The following KAZN variants were observed in gnomAD, a reference collection of about 807,000 sequenced individuals.
The protein encoded by KAZN is kazrin.
Under a neutral mutation model 87.4 loss-of-function variants are expected in KAZN, and 40 were observed. The ratio of observed to expected loss-of-function variants is 0.46; its 90% CI spans 0.36 to 0.60. The LOEUF is 0.60. Among genes scored for constraint, KAZN ranks in the 20% least tolerant of loss-of-function variants. The pLI, the probability that KAZN is intolerant of heterozygous loss-of-function variation, is 0.00. For synonymous variants in KAZN, 466 were observed against 458.3 expected (o/e 1.02, Z -0.22); for missense variants, 898 against 1,073.9 (o/e 0.84, Z 2.29).
intron 2 of KAZN, among the ~76,000 whole-genome samples, chr1:14,320,395 T>C (rs989861902): frequency 1.3e-5 from 2 of 152,152 alleles, no homozygotes; most frequent in African/African-American, 2.4e-5. Context: ...ACAAACAGAT[T>C]TGAGAATCAC....
At chr1:15,013,764 A>AG (rs1211151677) in intron 2 of KAZN, among the ~76,000 whole-genome samples, 1 of 151,072 alleles carries the variant, frequency 6.6e-6, no homozygotes, top group Admixed American at 6.6e-5. Context: ...AAAAAAAAAA[A>AG]AAGAGAGAGA....
intron 1 of KAZN, among the ~76,000 whole-genome samples, chr1:14,806,745 G>A (rs748261349): frequency 5.3e-5 from 8 of 152,210 alleles, no homozygotes; most frequent in Non-Finnish European, 8.8e-5. Context: ...TCAGGGAGTA[G>A]CTTGAGAGGG....
At chr1:14,436,722 A>AC (rs1351434546) in intron 2 of KAZN, among the ~76,000 whole-genome samples, 2 of 72,950 alleles carry the variant, frequency 2.7e-5, no homozygotes, top group African/African-American at 1.2e-4. Context: ...TGTCTCAAAA[A>AC]AAAAAAAAAA....
intron 2 of KAZN, among the ~76,000 whole-genome samples, chr1:14,473,910 C>T (rs1161586590): frequency 1.3e-5 from 2 of 152,222 alleles, no homozygotes; most frequent in Non-Finnish European, 2.9e-5. Flanking sequence ...GCTGGCACCT[C>T]TGAAAGGCTT....
intron 2 of KAZN, among the ~76,000 whole-genome samples, chr1:14,962,205 G>A (rs1286277764): frequency 6.6e-6 from 1 of 152,354 alleles, no homozygotes; most frequent in East Asian, 1.9e-4. Context: ...CCCCCAGAAA[G>A]CCTGGGAAGT....
At chr1:14,824,581 C>G (rs1333405266) in intron 1 of KAZN, among the ~76,000 whole-genome samples, 1 of 152,180 alleles carries the variant, frequency 6.6e-6, no homozygotes, top group South Asian at 2.1e-4. Flanking sequence ...GTCCTTGCTG[C>G]TCAGAGATTT....
chr1:15,068,588 C>T (rs1401356875), intron 8 of KAZN, among the ~76,000 whole-genome samples: 2 of 152,002 alleles, frequency 1.3e-5, no homozygotes, highest in African/African-American at 4.8e-5. Context: ...CCTGGAGGAC[C>T]GAGAGGAGCT....
chr1:14,727,899 A>G (rs940296951), intron 1 of KAZN, among the ~76,000 whole-genome samples: 1 of 152,142 alleles, frequency 6.6e-6, no homozygotes, highest in Non-Finnish European at 1.5e-5. Context: ...GATGGGAGAT[A>G]GCAACAGATC....
chr1:14,883,318 AAG>A lies in KAZN; in HGVS notation c.227-77342_227-77341del, dbSNP rs1219653139. ...CTCAAAAGAAAGAAAGAAAGAAAGAAAGAGAGAGAGAGAGAGAGAGAGAGAAA... is the reference window on the plus strand; with the variant it reads ...CTCAAAAGAAAGAAAGAAAGAAAGAAAGAGAGAGAGAGAGAGAGAGAGAAA... On this transcript the variant is annotated intron_variant, in intron 1 of 14. Coordinates refer to ENST00000376030, the MANE Select transcript of KAZN (RefSeq NM_201628.3). 1.4e-3 allele frequency among the ~76,000 whole-genome samples: 55 copies of A among 38,590 alleles called. 6 individuals carry two copies. Among genetic ancestry groups the A allele is most frequent in the African/African-American group, 2.8e-3 (37 of 13,050 alleles). The allele number at this position is 38,590 out of a possible 152,430, so 25.3% of individuals were successfully genotyped here.
At chr1:13,932,780 G>A (rs1384143015) in intron 1 of KAZN, among the ~76,000 whole-genome samples, 2 of 152,274 alleles carry the variant, frequency 1.3e-5, no homozygotes, top group East Asian at 1.9e-4. Context: ...AATGTTTGAC[G>A]CTGGAATGAT....
intron 2 of KAZN, among the ~76,000 whole-genome samples, chr1:14,435,485 C>T (rs1397975600): frequency 6.6e-6 from 1 of 152,220 alleles, no homozygotes; most frequent in African/African-American, 2.4e-5. Context: ...ATGACCCGCG[C>T]CACCTGGCCA....
chr1:14,065,614 A>G (rs1166595177), intron 1 of KAZN, among the ~76,000 whole-genome samples: 3 of 151,818 alleles, frequency 2.0e-5, no homozygotes, highest in Non-Finnish European at 4.4e-5. Context: ...CAAACAGCAC[A>G]TAAGAGTAAA....
chr1:14,811,376 G>A (rs1407294868), intron 1 of KAZN, among the ~76,000 whole-genome samples: 1 of 152,208 alleles, frequency 6.6e-6, no homozygotes, highest in Non-Finnish European at 1.5e-5. Flanking sequence ...ATAAGAGGGT[G>A]GGAATGTTAT....
chr1:14,676,205 G>T (rs1640209275), intron 1 of KAZN, among the ~76,000 whole-genome samples: 1 of 152,134 alleles, frequency 6.6e-6, no homozygotes, highest in Non-Finnish European at 1.5e-5. Flanking sequence ...ACTCCCTACT[G>T]GGATTACCAA....
chr1:14,894,907 C>T (rs915765718), intron 1 of KAZN, among the ~76,000 whole-genome samples: 7 of 152,266 alleles, frequency 4.6e-5, no homozygotes, highest in Non-Finnish European at 8.8e-5. Context: ...GTAGGTTTGC[C>T]GGTCCAGCCA....
intron 2 of KAZN, among the ~76,000 whole-genome samples, chr1:14,192,291 A>G (rs1195343189): frequency 6.6e-6 from 1 of 152,162 alleles, no homozygotes; most frequent in Admixed American, 6.5e-5. Context: ...CCCAAACCTT[A>G]TAGGAAATGT....
intron 1 of KAZN, among the ~76,000 whole-genome samples, chr1:14,611,830 G>A (rs773020030): frequency 1.2e-4 from 18 of 152,294 alleles, no homozygotes; most frequent in Non-Finnish European, 2.5e-4. Flanking sequence ...TGGAGCTAGT[G>A]TGGAAGTTGG....
intron 2 of KAZN, among the ~76,000 whole-genome samples, chr1:14,233,910 A>C (rs963771581): frequency 1.3e-5 from 2 of 152,212 alleles, no homozygotes; most frequent in African/African-American, 4.8e-5. Context: ...CAGATGCTGG[A>C]GGGGATGTAG....
At chr1:14,709,142 G>C (rs569875628) in intron 1 of KAZN, among the ~76,000 whole-genome samples, 1 of 152,306 alleles carries the variant, frequency 6.6e-6, no homozygotes, top group African/African-American at 2.4e-5. Context: ...TAACGGCACA[G>C]ATGAATCGGA....
Sources: allele counts gnomAD v4.1 joint callset (sites outside exome capture counted in the v4.1 genomes callset), GRCh38; gene constraint gnomAD v4.1.1; transcripts MANE v1.5; gene names NCBI Gene and HGNC (gene_info 2026-07-23, HGNC 2026-07-21).